MALRD1: variants seen among roughly 807,000 people sequenced by gnomAD.
MALRD1 encodes the protein MAM and LDL receptor class A domain containing 1.
A neutral mutation model predicts 242.1 loss-of-function variants in MALRD1; 247 were observed. That is an observed-to-expected ratio of 1.02 (90% confidence interval 0.92 to 1.13). MALRD1 has a LOEUF of 1.13. Among genes scored for constraint, MALRD1 ranks in the 50% most tolerant of loss-of-function variants. The pLI, the probability that MALRD1 is intolerant of heterozygous loss-of-function variation, is 0.00. For synonymous variants in MALRD1, 995 were observed against 866.6 expected (o/e 1.15, Z -2.60); for missense variants, 2,989 against 2,533.1 (o/e 1.18, Z -3.86).
Position 19,257,640 on chromosome 10 carries a change from C to T in MALRD1, c.2992-44C>T, listed in dbSNP as rs1170711375. The T allele has an allele frequency of 2.0e-5, 27 of 1,349,300 alleles. 1 individual carries two copies. Among genetic ancestry groups the T allele is most frequent in the Non-Finnish European group, 2.8e-5 (27 of 977,596 alleles). 83.6% of individuals were successfully genotyped at this position (1,349,300 alleles called of 1,614,324 possible). A position where few individuals can be genotyped will look rare whatever the true frequency, so the allele number is the denominator to read the frequency against. ...TTCCATAACTTAATTTCCTTTACCACATAAACACATTTCTTATTTTTATTT... is the reference window on the plus strand; with the variant it reads ...TTCCATAACTTAATTTCCTTTACCATATAAACACATTTCTTATTTTTATTT... On this transcript the variant is annotated intron_variant, in intron 18 of 39. Transcript: ENST00000454679.
intron 27 of MALRD1, among the ~76,000 whole-genome samples, chr10:19,388,230 C>T (rs10763973): frequency 0.87 from 132,804 of 152,192 alleles, 58,190 homozygotes; most frequent in African/African-American, 0.92. Flanking sequence ...ATCCTAACAG[C>T]CTCATTTTAA....
intron 26 of MALRD1, among the ~76,000 whole-genome samples, chr10:19,357,064 C>T (rs1844667969): frequency 6.6e-6 from 1 of 151,056 alleles, no homozygotes; most frequent in South Asian, 2.1e-4. Flanking sequence ...GAGCTGAGAT[C>T]TTGCCACTGC....
chr10:19,570,710 A>G (rs1379212730), intron 33 of MALRD1, among the ~76,000 whole-genome samples: 1 of 152,082 alleles, frequency 6.6e-6, no homozygotes, highest in Non-Finnish European at 1.5e-5. Flanking sequence ...AAAAGTGTGA[A>G]ACCAATTTTA....
At chr10:19,249,732 T>A (rs1839221874) in intron 18 of MALRD1, among the ~76,000 whole-genome samples, 1 of 152,064 alleles carries the variant, frequency 6.6e-6, no homozygotes, top group Non-Finnish European at 1.5e-5. Flanking sequence ...GGAAGGCTTC[T>A]CTGAGAAAGT....
chr10:19,451,471 TCA>T (rs1249303414), intron 29 of MALRD1, among the ~76,000 whole-genome samples: 1 of 152,190 alleles, frequency 6.6e-6, no homozygotes, highest in East Asian at 1.9e-4. Context: ...TTGTACAATT[TCA>T]CAGTTTGCAA....
At chr10:19,607,435 C>T (rs1458770916) in intron 34 of MALRD1, among the ~76,000 whole-genome samples, 1 of 152,074 alleles carries the variant, frequency 6.6e-6, no homozygotes, top group African/African-American at 2.4e-5. Flanking sequence ...ATGTCTCTCT[C>T]TTCTTATAAC....
chr10:19,554,053 A>G (rs1051272070), intron 32 of MALRD1, among the ~76,000 whole-genome samples: 2 of 152,232 alleles, frequency 1.3e-5, no homozygotes, highest in Admixed American at 6.5e-5. Flanking sequence ...CATTTATATT[A>G]CAGTGAAAGA....
chr10:19,615,543 A>C (rs1184826003), intron 35 of MALRD1, among the ~76,000 whole-genome samples: 1 of 138,910 alleles, frequency 7.2e-6, no homozygotes, highest in Non-Finnish European at 1.5e-5. Context: ...AAAGAGGAAG[A>C]GAGAAAGAAA....
At chr10:19,054,468 A>G (rs2131206890) in intron 1 of MALRD1, among the ~76,000 whole-genome samples, 1 of 152,266 alleles carries the variant, frequency 6.6e-6, no homozygotes, top group African/African-American at 2.4e-5. Flanking sequence ...ATACATTAAT[A>G]TTGACTGTAG....
chr10:19,455,490 A>G (rs1835598017), intron 29 of MALRD1, among the ~76,000 whole-genome samples: 1 of 152,170 alleles, frequency 6.6e-6, no homozygotes, highest in African/African-American at 2.4e-5. Context: ...ATTTTAGGCA[A>G]ATGACATGAT....
At chr10:19,408,009 A>G (rs1226323376) in intron 28 of MALRD1, among the ~76,000 whole-genome samples, 1 of 152,180 alleles carries the variant, frequency 6.6e-6, no homozygotes, top group Non-Finnish European at 1.5e-5. Flanking sequence ...ACGGAAAGCC[A>G]ATCACTGAAA....
At chr10:19,575,308 C>G (rs956243536) in intron 33 of MALRD1, among the ~76,000 whole-genome samples, 6 of 152,088 alleles carry the variant, frequency 3.9e-5, no homozygotes, top group African/African-American at 1.4e-4. Flanking sequence ...TGTAAATACT[C>G]CCAGCATGGT....
chr10:19,707,040 TTTC>T lies in MALRD1; in HGVS notation c.6314+14496_6314+14498del, dbSNP rs141828196. Among the ~76,000 whole-genome samples the T allele has an allele frequency of 3.9e-3, 583 of 150,644 alleles. 4 individuals are homozygous for T. The highest frequency in any genetic ancestry group is 0.014 in the African/African-American group (554 of 40,992). On this transcript the variant is annotated intron_variant, in intron 38 of 39. Transcript: ENST00000454679. ...CTCTTCCTCCTTCTCCTTCTCTTCCTTTCTTCTTCTTCCTCCTCCTCCTTTCTT... is the reference window on the plus strand; with the variant it reads ...CTCTTCCTCCTTCTCCTTCTCTTCCTTTCTTCTTCCTCCTCCTCCTTTCTT...
At chr10:19,655,623 C>T (rs1383000007) in intron 36 of MALRD1, among the ~76,000 whole-genome samples, 2 of 140,904 alleles carry the variant, frequency 1.4e-5, no homozygotes, top group African/African-American at 5.2e-5. Context: ...AACATAATTG[C>T]TTTGTGAGAT....
At chr10:19,597,995 G>C (rs1838182021) in intron 34 of MALRD1, among the ~76,000 whole-genome samples, 1 of 152,140 alleles carries the variant, frequency 6.6e-6, no homozygotes, top group African/African-American at 2.4e-5. Flanking sequence ...TGGAAATGTA[G>C]AAAGAATCCT....
chr10:19,426,620 G>A (rs1479474341), intron 28 of MALRD1, among the ~76,000 whole-genome samples: 1 of 152,050 alleles, frequency 6.6e-6, no homozygotes, highest in African/African-American at 2.4e-5. Context: ...TGGCCAACAT[G>A]GTAAAACCCT....
chr10:19,174,265 A>G lies in MALRD1; in HGVS notation c.1831-943A>G, dbSNP rs980708782. 3.4e-4 allele frequency among the ~76,000 whole-genome samples: 51 copies of G among 152,186 alleles called. 2 individuals carry two copies. Among genetic ancestry groups the G allele is most frequent in the Non-Finnish European group, 1.0e-4 (7 of 68,024 alleles). On this transcript the variant is annotated intron_variant, in intron 13 of 39. Coordinates refer to ENST00000454679, the MANE Select transcript of MALRD1 (RefSeq NM_001142308.3). ...CCTATTTTGAGGAGAAGTAAGCCGG[A>G]TAATTCCTTTATGGCTGGCTCTCAC... is the stretch of plus-strand genomic sequence containing the variant.
intron 32 of MALRD1, among the ~76,000 whole-genome samples, chr10:19,550,729 C>T (rs940029215): frequency 6.6e-6 from 1 of 152,070 alleles, no homozygotes; most frequent in African/African-American, 2.4e-5. Context: ...CCACATTTTC[C>T]TTATCCCTTA....
intron 18 of MALRD1, among the ~76,000 whole-genome samples, chr10:19,245,413 A>G (rs1404695723): frequency 1.3e-5 from 2 of 152,186 alleles, no homozygotes; most frequent in Non-Finnish European, 2.9e-5. Flanking sequence ...CTTTTGAGCA[A>G]TAAAATAAAT....
Sources: allele counts gnomAD v4.1 joint callset (sites outside exome capture counted in the v4.1 genomes callset), GRCh38; gene constraint gnomAD v4.1.1; transcripts MANE v1.5; gene names NCBI Gene and HGNC (gene_info 2026-07-23, HGNC 2026-07-21).